SOX6: variants seen among roughly 807,000 people sequenced by gnomAD.
SOX6 encodes transcription factor SOX-6.
A neutral mutation model predicts 97.8 loss-of-function variants in SOX6; 11 were observed. The observed-to-expected ratio is 0.11, with a 90% CI of 0.07 to 0.19. SOX6 has a LOEUF of 0.19. Among genes scored for constraint, SOX6 ranks in the 10% least tolerant of loss-of-function variants. The pLI is 1.00. For missense variants in SOX6, 810 were observed against 1,039.5 expected (o/e 0.78, Z 3.04); for synonymous variants, 360 against 371.4 (o/e 0.97, Z 0.35).
At chr11:15,985,077 C>T (rs1590108863) in intron 15 of SOX6, among the ~76,000 whole-genome samples, 3 of 152,140 alleles carry the variant, frequency 2.0e-5, no homozygotes, top group South Asian at 4.1e-4. Context: ...ACGCTCCTCC[C>T]GAAAACACTG....
chr11:16,714,608 C>T (rs1000601876), intron 3 of SOX6, among the ~76,000 whole-genome samples: 17 of 152,104 alleles, frequency 1.1e-4, no homozygotes, highest in East Asian at 3.9e-4. Context: ...AGCACCACCA[C>T]GCCCAGCTAA....
At chr11:16,064,806 AT>A (rs1848052632) in intron 9 of SOX6, among the ~76,000 whole-genome samples, 1 of 152,006 alleles carries the variant, frequency 6.6e-6, no homozygotes, top group Non-Finnish European at 1.5e-5. Flanking sequence ...CATTGATAAA[AT>A]TCAACATCCC....
At chr11:16,677,717 T>C (rs1379168920) in intron 3 of SOX6, among the ~76,000 whole-genome samples, 1 of 152,188 alleles carries the variant, frequency 6.6e-6, no homozygotes, top group Non-Finnish European at 1.5e-5. Flanking sequence ...GGTGTCAGAG[T>C]AATGCTAGCC....
intron 1 of SOX6, among the ~76,000 whole-genome samples, chr11:16,461,358 A>G (rs1048804420): frequency 6.6e-6 from 1 of 152,044 alleles, no homozygotes; most frequent in Non-Finnish European, 1.5e-5. Context: ...TATTCACTGA[A>G]TTAATTTTTC....
At chr11:16,273,420 C>A (rs1519122) in intron 3 of SOX6, among the ~76,000 whole-genome samples, 1 of 151,752 alleles carries the variant, frequency 6.6e-6, no homozygotes, top group Non-Finnish European at 1.5e-5. Flanking sequence ...CTAGTCTATA[C>A]AATAAATCTG....
At chr11:16,088,009 G>A (rs1273013694) in intron 9 of SOX6, among the ~76,000 whole-genome samples, 1 of 152,032 alleles carries the variant, frequency 6.6e-6, no homozygotes, top group Non-Finnish European at 1.5e-5. Flanking sequence ...GGTGGGGAAA[G>A]TTGCCCTCAG....
At chr11:16,570,185 T>C (rs1021043054) in intron 4 of SOX6, among the ~76,000 whole-genome samples, 4 of 152,158 alleles carry the variant, frequency 2.6e-5, no homozygotes, top group Non-Finnish European at 2.9e-5. Context: ...TACCACATAT[T>C]CTAGCAATTG....
At chr11:16,015,500 G>A (rs576387484) in intron 12 of SOX6, among the ~76,000 whole-genome samples, 3 of 152,058 alleles carry the variant, frequency 2.0e-5, no homozygotes, top group East Asian at 1.9e-4. Flanking sequence ...TTTTATGCAC[G>A]AGGATTTCAA....
intron 3 of SOX6, among the ~76,000 whole-genome samples, chr11:16,271,437 G>A (rs1854255676): frequency 6.6e-6 from 1 of 151,390 alleles, no homozygotes; most frequent in Non-Finnish European, 1.5e-5. Flanking sequence ...ATGGAGCACT[G>A]GGACTATCTG....
In SOX6 at chr11:16,414,129, T is replaced by G. The variant is rs183112935; in HGVS notation, c.-5+62186A>C. Among the ~76,000 whole-genome samples, 14 of 152,256 alleles carry G rather than the reference T, an allele frequency of 9.2e-5. No individual in the cohort carries two copies. The East Asian group carries it at 1.7e-3, about 19-fold the overall frequency. On this transcript the variant is annotated intron_variant, in intron 1 of 15. Transcript: ENST00000396356. The stretch of plus-strand genomic sequence containing the variant: ...GATGATACAAAGAAACATGTCATAG[T>G]CCCCACTCCTCCAAAATCATAACTG...
At chr11:16,027,561 G>A (rs994625986) in intron 12 of SOX6, among the ~76,000 whole-genome samples, 3 of 152,176 alleles carry the variant, frequency 2.0e-5, no homozygotes, top group African/African-American at 7.2e-5. Flanking sequence ...GTTCAAGACA[G>A]GAATTTAAAC....
chr11:16,056,814 C>A (rs1481512246), intron 9 of SOX6, among the ~76,000 whole-genome samples: 1 of 152,100 alleles, frequency 6.6e-6, no homozygotes, highest in African/African-American at 2.4e-5. Flanking sequence ...AATTATCAAC[C>A]TCAAAATATG....
At chr11:16,429,657 C>T (rs1383931639) in intron 1 of SOX6, among the ~76,000 whole-genome samples, 6 of 151,996 alleles carry the variant, frequency 3.9e-5, no homozygotes, top group Admixed American at 2.6e-4. Flanking sequence ...AGGGGAACAA[C>T]ACACACTGGG....
intron 2 of SOX6, among the ~76,000 whole-genome samples, chr11:16,720,834 A>C (rs1468097474): frequency 1.3e-5 from 2 of 152,194 alleles, no homozygotes; most frequent in African/African-American, 4.8e-5. Context: ...ATCCATGAGG[A>C]AACAAGCTGT....
intron 4 of SOX6, among the ~76,000 whole-genome samples, chr11:16,579,481 T>C (rs939247750): frequency 3.3e-5 from 5 of 152,200 alleles, no homozygotes; most frequent in African/African-American, 9.6e-5. Context: ...TTCTGACTTC[T>C]ATCATTGTAA....
At chr11:16,173,223 T>C (rs1335011428) in intron 6 of SOX6, among the ~76,000 whole-genome samples, 1 of 151,952 alleles carries the variant, frequency 6.6e-6, no homozygotes, top group Non-Finnish European at 1.5e-5. Flanking sequence ...AGTTTTCTGA[T>C]TTAGTTCCAA....
intron 4 of SOX6, among the ~76,000 whole-genome samples, chr11:16,537,390 A>C (rs942684296): frequency 7.9e-5 from 12 of 152,200 alleles, no homozygotes; most frequent in African/African-American, 2.9e-4. Flanking sequence ...AAAAGCTGAA[A>C]ACTCCAAAAA....
At chr11:16,419,015 A>G (rs914244464) in intron 1 of SOX6, among the ~76,000 whole-genome samples, 3 of 152,164 alleles carry the variant, frequency 2.0e-5, no homozygotes, top group Non-Finnish European at 4.4e-5. Flanking sequence ...TATTTATATT[A>G]ACATTCCAGA....
intron 6 of SOX6, among the ~76,000 whole-genome samples, chr11:16,146,411 C>G (rs1385087462): frequency 2.6e-5 from 4 of 152,094 alleles, no homozygotes. Flanking sequence ...AGAAGAAAAC[C>G]TAGGCAATAC....
Sources: gnomAD v4.1 joint callset for allele counts (sites outside exome capture counted in the v4.1 genomes callset) on GRCh38, gnomAD v4.1.1 for gene constraint, MANE v1.5 for transcripts, NCBI Gene and HGNC (gene_info 2026-07-23, HGNC 2026-07-21) for gene names.